CPD: variants seen among roughly 807,000 people sequenced by gnomAD.
CPD encodes the protein metallocarboxypeptidase D.
Under a neutral mutation model 138.3 loss-of-function variants are expected in CPD, and 69 were observed. The ratio of observed to expected loss-of-function variants is 0.50; its 90% CI spans 0.41 to 0.61. CPD has a LOEUF of 0.61. Ranked by LOEUF, CPD falls within the 20% of genes least tolerant of loss-of-function variation. CPD has a pLI of 0.00. For synonymous variants in CPD, 651 were observed against 642.1 expected (o/e 1.01, Z -0.21); for missense variants, 1,432 against 1,733.3 (o/e 0.83, Z 3.09).
chr17:30,438,841 C>G lies in CPD; in HGVS notation c.2128-134C>G, dbSNP rs1472917785. On this transcript the variant is annotated intron_variant, in intron 8 of 20. Coordinates refer to ENST00000225719, the MANE Select transcript of CPD (RefSeq NM_001304.5). ...ACTGAAAAGTCTCACTGCTCATAGCCCCACCCCACTCCCACCTCCACCCCT... is the reference window on the plus strand; with the variant it reads ...ACTGAAAAGTCTCACTGCTCATAGCGCCACCCCACTCCCACCTCCACCCCT... 4 of 527,372 alleles carry G rather than the reference C, an allele frequency of 7.6e-6. No homozygotes were observed. In the East Asian group the frequency reaches 1.0e-4, roughly 13 times the overall value. The allele number at this position is 527,372 out of a possible 1,614,324, so 32.7% of individuals were successfully genotyped here.
rs1254602257 is a variant in CPD, at chr17:30,379,148, C to T, written c.168C>T (p.Asp56=). 1.2e-5 allele frequency: 18 copies of T among 1,536,668 alleles called. No individual in the cohort carries two copies. The highest frequency in any genetic ancestry group is 1.6e-5 in the Non-Finnish European group (18 of 1,144,996). Residue 56 remains aspartate (D), a synonymous_variant, in exon 1 of 21, where the codon GAC becomes GAT. Coordinates refer to ENST00000225719, the MANE Select transcript of CPD (RefSeq NM_001304.5). This position sits in a 1 kb window ranked among gnomAD's most constrained non-coding sequence, Gnocchi z 7.0. ...CCGAGGCGGCCGAGGGCCAGTTCGA[C>T]CGCTACTACCACGAAGAGGAGTTGG... is the stretch of plus-strand genomic sequence containing the variant. ...AGAEAAEGQF[D]RYYHEEELES... is the part of the protein sequence containing the mutation.
At chr17:30,457,190 G>A (rs1003296645) in intron 17 of CPD, among the ~76,000 whole-genome samples, 3 of 152,108 alleles carry the variant, frequency 2.0e-5, no homozygotes, top group Non-Finnish European at 2.9e-5. Context: ...CTATGAATTT[G>A]CCTATTCTAG....
chr17:30,444,541 T>C (rs1455541886), intron 11 of CPD, among the ~76,000 whole-genome samples: 1 of 148,306 alleles, frequency 6.7e-6, no homozygotes, highest in Non-Finnish European at 1.5e-5. Context: ...TTTTTTTTTT[T>C]TGAGACAGAG....
Position 30,379,558 on chromosome 17 carries a change from G to T in CPD, c.578G>T (p.Gly193Val). The change falls in exon 1 of 21, where the codon GGC becomes GTC. Residue 193 changes from glycine (G) to valine (V), a missense_variant. Gly to Val is a moderately radical substitution (Grantham distance 109, BLOSUM62 -3). Coordinates refer to ENST00000225719, the MANE Select transcript of CPD (RefSeq NM_001304.5). This position sits in a 1 kb window ranked among gnomAD's most constrained non-coding sequence, Gnocchi z 7.0. The part of the protein sequence containing the change: ...NPDGFERARE[G>V]DCGFGDGGPS... ...GATGGCTTCGAGCGTGCCCGCGAGG[G>T]CGACTGTGGCTTCGGCGACGGCGGC... 1 of 1,543,196 alleles carries T rather than the reference G, an allele frequency of 6.5e-7. No individual in the cohort carries two copies. Among genetic ancestry groups the T allele is most frequent in the South Asian group, 1.2e-5 (1 of 83,590 alleles).
chr17:30,416,601 A>G (rs1197903587), intron 2 of CPD, among the ~76,000 whole-genome samples: 2 of 152,056 alleles, frequency 1.3e-5, no homozygotes, highest in Non-Finnish European at 2.9e-5. Flanking sequence ...TTTGTCTGTT[A>G]TTGTCCAGCC....
chr17:30,442,487 AGGGTGAAAAG>A, intron 10 of CPD, 37 bp downstream of exon 10: 15 of 1,597,904 alleles, frequency 9.4e-6, no homozygotes, highest in Non-Finnish European at 1.3e-5. Context: ...ATTTCTCCCG[AGGGTGAAAAG>A]ATTTTTGTGC....
At position 30,467,259 on chromosome 17, in the gene CPD, C is replaced by T. The variant is rs1359387682; in HGVS notation, c.*2445C>T. On this transcript the variant is annotated 3_prime_UTR_variant, in exon 21 of 21. Transcript: ENST00000225719. ...TCTGAGTTGTGCCTTTCTTTACTCA[C>T]AAGGCATGGGCTTTGTCCTGGTGAT... 2.6e-5 allele frequency: 4 copies of T among 152,684 alleles called. No individual in the cohort carries two copies. In the East Asian group the frequency reaches 7.7e-4, roughly 29 times the overall value. The allele number at this position is 152,684 out of a possible 1,614,324, so 9.5% of individuals were successfully genotyped here. A position where few individuals can be genotyped will look rare whatever the true frequency, so the allele number is the denominator to read the frequency against.
Position 30,461,173 on chromosome 17 carries a change from A to G in CPD, c.3499-7A>G, listed in dbSNP as rs765741953. On this transcript the variant is annotated splice_polypyrimidine_tract_variant and splice_region_variant and intron_variant, in intron 17 of 20. Transcript: ENST00000225719. ...TCCCACATTTGATTTTGAACTTTAT[A>G]TTCTAGGATTATAGTGTCACCTATG... The G allele has an allele frequency of 6.3e-7, 1 of 1,577,426 alleles. No individual in the cohort carries two copies. The highest frequency in any genetic ancestry group is 1.2e-5 in the South Asian group (1 of 84,558).
chr17:30,456,002 A>G, intron 15 of CPD: 1 of 446,174 alleles, frequency 2.2e-6, no homozygotes, highest in South Asian at 2.7e-5. Flanking sequence ...AAGACATACC[A>G]AAACAAGTTT....
intron 2 of CPD, among the ~76,000 whole-genome samples, chr17:30,414,446 G>A (rs1319424720): frequency 5.3e-5 from 8 of 152,178 alleles, no homozygotes; most frequent in South Asian, 2.1e-4. Flanking sequence ...AGCTGGGCAC[G>A]GTGGCGGGCG....
In CPD at chr17:30,424,832, G is replaced by T. The variant is rs539275298; in HGVS notation, c.1849+1135G>T. The stretch of plus-strand genomic sequence containing the variant: ...TCTTCCAGGCAATGATATCTATCAG[G>T]CACCATAGTATAATATGGAGCCTCA... On this transcript the variant is annotated intron_variant, in intron 6 of 20. Coordinates refer to ENST00000225719, the MANE Select transcript of CPD (RefSeq NM_001304.5). 1.2e-4 allele frequency among the ~76,000 whole-genome samples: 19 copies of T among 152,200 alleles called. No homozygotes were observed. The South Asian group carries it at 3.7e-3, about 30-fold the overall frequency.
chr17:30,409,782 C>A (rs930934640), intron 2 of CPD, among the ~76,000 whole-genome samples: 1 of 151,902 alleles, frequency 6.6e-6, no homozygotes. Flanking sequence ...TCTATCAATT[C>A]TGTTGATCTT....
Position 30,379,365 on chromosome 17 carries a change from C to G in CPD, c.385C>G (p.Arg129Gly). ...CGCTGCGGGGCCGCTGCTGCCCGGC[C>G]GGCCCCAGGTGAAGCTGGTGGGCAA... The part of the protein sequence containing the change: ...PDAAGPLLPG[R>G]PQVKLVGNMH... The change falls in exon 1 of 21, where the codon CGG (arginine) becomes GGG (glycine). Residue 129 changes from arginine to glycine, a missense_variant. This residue lies in a region of CPD where 484 missense variants were observed against 477.2 expected (regional missense o/e 1.01). Transcript: ENST00000225719. This position sits in a 1 kb window ranked among gnomAD's most constrained non-coding sequence, Gnocchi z 7.0. The G allele has an allele frequency of 6.6e-7, 1 of 1,506,602 alleles. No individual in the cohort carries two copies. Among genetic ancestry groups the G allele is most frequent in the Non-Finnish European group, 8.8e-7 (1 of 1,135,252 alleles). 93.3% of individuals were successfully genotyped at this position (1,506,602 alleles called of 1,614,324 possible).
intron 1 of CPD, among the ~76,000 whole-genome samples, chr17:30,383,543 A>C (rs1385523974): frequency 6.6e-6 from 1 of 152,148 alleles, no homozygotes; most frequent in Non-Finnish European, 1.5e-5. Context: ...GCTAATTATA[A>C]TTATATTAGT....
intron 9 of CPD, 40 bp downstream of exon 9, chr17:30,439,117 C>T: frequency 8.8e-7 from 1 of 1,138,710 alleles, no homozygotes; most frequent in Non-Finnish European, 1.3e-6. Context: ...AACTTGATGG[C>T]CTTTCTGCTT....
At chr17:30,380,592 G>A (rs1389700453) in intron 1 of CPD, 2 of 1,506,722 alleles carry the variant, frequency 1.3e-6, no homozygotes, top group Non-Finnish European at 1.8e-6. Context: ...AGAAGAAGGA[G>A]GACCTCAAGA....
At chr17:30,426,952 G>A (rs1912429342) in intron 6 of CPD, among the ~76,000 whole-genome samples, 1 of 152,036 alleles carries the variant, frequency 6.6e-6, no homozygotes, top group African/African-American at 2.4e-5. Context: ...AGGCTGAGGG[G>A]GGTGGGTCAC....
chr17:30,449,015 A>G (rs1315538973), intron 12 of CPD, among the ~76,000 whole-genome samples: 4 of 152,104 alleles, frequency 2.6e-5, no homozygotes, highest in African/African-American at 9.7e-5. Context: ...GACTGAGGCC[A>G]GAGGATCACT....
At position 30,461,990 on chromosome 17, in the gene CPD, C is replaced by T. The variant is rs762044610; in HGVS notation, c.3744C>T (p.Phe1248=). Residue 1248 remains phenylalanine, a synonymous_variant, in exon 19 of 21, where the codon TTC becomes TTT. Transcript: ENST00000225719. The part of the protein sequence containing the change: ...IKVQTKEGGY[F]HVLLAPGVHN... ...TACAAACAAAAGAGGGAGGTTATTTCCATGTACTCTTAGCGCCAGGTGTCC... is the reference window on the plus strand; with the variant it reads ...TACAAACAAAAGAGGGAGGTTATTTTCATGTACTCTTAGCGCCAGGTGTCC... 12 of 1,613,814 alleles carry T rather than the reference C, an allele frequency of 7.4e-6. No individual in the cohort carries two copies. The South Asian group carries it at 1.1e-4, about 15-fold the overall frequency.
Sources: allele counts gnomAD v4.1 joint callset (sites outside exome capture counted in the v4.1 genomes callset), GRCh38; gene constraint gnomAD v4.1.1; regional missense constraint gnomAD v4.1.1; non-coding constraint Gnocchi (gnomAD v3.1); transcripts MANE v1.5; gene names NCBI Gene and HGNC (gene_info 2026-07-23, HGNC 2026-07-21).